The following CAMTA1 variants were observed in gnomAD, a reference collection of about 807,000 sequenced individuals.
The protein encoded by CAMTA1 is calmodulin-binding transcription activator 1.
CAMTA1 carries 27 observed loss-of-function variants against 170.9 expected under a neutral mutation model. The observed-to-expected ratio is 0.16, with a 90% confidence interval of 0.12 to 0.22. The LOEUF is 0.22. Among genes scored for constraint, CAMTA1 ranks in the 10% least tolerant of loss-of-function variants. The pLI is 1.00. For synonymous variants in CAMTA1, 833 were observed against 891.5 expected, an observed-to-expected ratio of 0.93 and a Z score of 1.17; for missense variants, 1,619 against 2,217.2, an observed-to-expected ratio of 0.73 and a Z score of 5.42.
At chr1:7,506,115 A>T (rs910623756) in intron 6 of CAMTA1, among the ~76,000 whole-genome samples, 1 of 152,100 alleles carries the variant, frequency 6.6e-6, no homozygotes, top group Non-Finnish European at 1.5e-5. Flanking sequence ...CTGCCTGGGG[A>T]ACAGACCACC....
chr1:7,588,212 C>T lies in CAMTA1; in HGVS notation c.511-52188C>T, dbSNP rs2095326902. 6.6e-6 allele frequency among the ~76,000 whole-genome samples: 1 copy of T among 152,078 alleles called. No homozygotes were observed. Among genetic ancestry groups the T allele is most frequent in the South Asian group, 2.1e-4 (1 of 4,832 alleles). ...TGCCTCTCAGCCAGGAAAATCCCTA[C>T]CCCAGGACAAGCTCCTGTGGCCAGA... On this transcript the variant is annotated intron_variant, in intron 6 of 22. Coordinates refer to ENST00000303635, the MANE Select transcript of CAMTA1 (RefSeq NM_015215.4). This position sits in a 1 kb window ranked among gnomAD's most constrained non-coding sequence, Gnocchi z 5.8.
chr1:7,339,852 C>T (rs367864767), intron 5 of CAMTA1, among the ~76,000 whole-genome samples: 245 of 152,338 alleles, frequency 1.6e-3, no homozygotes, highest in African/African-American at 5.7e-3. Context: ...CCACCTCAGC[C>T]TCTCTGAGTG....
chr1:7,089,579 C>CCATCCCATCG (rs1553241617), intron 3 of CAMTA1, among the ~76,000 whole-genome samples: 177 of 141,268 alleles, frequency 1.3e-3, no homozygotes, highest in Non-Finnish European at 6.5e-4. Context: ...CCATCCCATC[C>CCATCCCATCG]CATCCCATCC....
chr1:7,111,475 G>T (rs1382048585), intron 4 of CAMTA1, among the ~76,000 whole-genome samples: 1 of 152,168 alleles, frequency 6.6e-6, no homozygotes, highest in Non-Finnish European at 1.5e-5. Flanking sequence ...TGGGCTCTGG[G>T]GACAGACAGG....
At chr1:7,038,787 C>CACG (rs1704007946) in intron 3 of CAMTA1, among the ~76,000 whole-genome samples, 1 of 152,212 alleles carries the variant, frequency 6.6e-6, no homozygotes, top group African/African-American at 2.4e-5. Flanking sequence ...CGCCTGTAAT[C>CACG]CCAGCACTTT....
At chr1:7,745,076 A>G in intron 17 of CAMTA1, 54 bp downstream of exon 17, 1 of 1,475,206 alleles carries the variant, frequency 6.8e-7, no homozygotes, top group Admixed American at 2.0e-5. Context: ...ATGTAATTGG[A>G]GGCAGGGGAG....
At chr1:6,991,154 G>A (rs931660980) in intron 3 of CAMTA1, among the ~76,000 whole-genome samples, 3 of 151,992 alleles carry the variant, frequency 2.0e-5, no homozygotes, top group Non-Finnish European at 4.4e-5. Context: ...ATGGACATCT[G>A]GTAGGTTTCC....
chr1:7,597,606 G>A (rs2095410086), intron 6 of CAMTA1, among the ~76,000 whole-genome samples: 1 of 152,126 alleles, frequency 6.6e-6, no homozygotes, highest in Non-Finnish European at 1.5e-5. Flanking sequence ...GAGCATGATT[G>A]TGGGGCTCCA....
intron 6 of CAMTA1, among the ~76,000 whole-genome samples, chr1:7,521,924 T>C (rs371153166): frequency 2.0e-5 from 3 of 152,334 alleles, no homozygotes; most frequent in East Asian, 3.9e-4. Flanking sequence ...CATTTACTCA[T>C]TGAAGGACGT....
intron 5 of CAMTA1, among the ~76,000 whole-genome samples, chr1:7,366,485 T>C (rs901665766): frequency 1.2e-4 from 19 of 152,322 alleles, no homozygotes; most frequent in Admixed American, 1.2e-3. Context: ...CTAGAATTCT[T>C]TTCTGGACTC....
intron 5 of CAMTA1, among the ~76,000 whole-genome samples, chr1:7,295,502 G>T (rs1482052735): frequency 6.6e-6 from 1 of 152,200 alleles, no homozygotes; most frequent in African/African-American, 2.4e-5. Context: ...GAGTAAAACA[G>T]ACTGATTGGA....
chr1:7,578,725 A>G (rs142328762), intron 6 of CAMTA1, among the ~76,000 whole-genome samples: 40 of 152,288 alleles, frequency 2.6e-4, no homozygotes, highest in Non-Finnish European at 4.0e-4. Context: ...AGATGGCCCC[A>G]TCTGTGAGGG....
At chr1:7,207,613 T>TA (rs1657986264) in intron 4 of CAMTA1, among the ~76,000 whole-genome samples, 1 of 152,056 alleles carries the variant, frequency 6.6e-6, no homozygotes, top group Non-Finnish European at 1.5e-5. Flanking sequence ...TCTAAAGGGG[T>TA]ACATTGCAGG....
chr1:7,567,855 G>A (rs1269697103), intron 6 of CAMTA1, among the ~76,000 whole-genome samples: 1 of 152,178 alleles, frequency 6.6e-6, no homozygotes, highest in Non-Finnish European at 1.5e-5. Context: ...AACAAACTGA[G>A]ATCACAGCTG....
At chr1:6,902,077 A>AAAAATAAAAATAAAAAAT (rs1553180467) in intron 3 of CAMTA1, among the ~76,000 whole-genome samples, 3 of 70,874 alleles carry the variant, frequency 4.2e-5, no homozygotes, top group African/African-American at 1.1e-4. Context: ...ACACACAAAA[A>AAAAATAAAAATAAAAAAT]AAAAAATAAA....
At chr1:7,415,225 T>C (rs1456516848) in intron 5 of CAMTA1, among the ~76,000 whole-genome samples, 3 of 151,816 alleles carry the variant, frequency 2.0e-5, no homozygotes, top group Admixed American at 2.0e-4. Context: ...CTGAAAAAAA[T>C]GTATATTCTG....
intron 3 of CAMTA1, among the ~76,000 whole-genome samples, chr1:6,945,881 C>T (rs575074829): frequency 6.6e-6 from 1 of 152,282 alleles, no homozygotes; most frequent in Non-Finnish European, 1.5e-5. Flanking sequence ...TGGATTAAGC[C>T]ACACTTTATT....
At position 6,820,185 on chromosome 1, in the gene CAMTA1, T is replaced by C; in HGVS notation, c.50T>C (p.Val17Ala). The C allele has an allele frequency of 6.4e-7, 1 of 1,551,496 alleles. No individual in the cohort carries two copies. The highest frequency in any genetic ancestry group is 1.1e-5 in the South Asian group (1 of 89,814). The change falls in exon 2 of 23, where the codon GTT becomes GCT. Residue 17 changes from valine (V) to alanine (A), a missense_variant. By Grantham distance (64) the Val-to-Ala change is moderately conservative. This residue lies in a region of CAMTA1 where 61 missense variants were observed against 57.7 expected (regional missense o/e 1.06). Coordinates refer to ENST00000303635, the MANE Select transcript of CAMTA1 (RefSeq NM_015215.4). ...TTTTATTTTCTGTTTCCTTAGAGCG[T>C]TTCCCAAAGTGTATTCTGCGGAACT... Reference protein sequence around the residue: ...KWLPKTSRKSVSQSVFCGTST... With the variant: ...KWLPKTSRKSASQSVFCGTST...
At chr1:7,655,195 C>T (rs547588835) in intron 7 of CAMTA1, among the ~76,000 whole-genome samples, 8 of 145,404 alleles carry the variant, frequency 5.5e-5, no homozygotes, top group Non-Finnish European at 1.0e-4. Context: ...CAAACACACA[C>T]CCCTATACAC....
Sources: allele counts gnomAD v4.1 joint callset (sites outside exome capture counted in the v4.1 genomes callset), GRCh38; gene constraint gnomAD v4.1.1; regional missense constraint gnomAD v4.1.1; non-coding constraint Gnocchi (gnomAD v3.1); transcripts MANE v1.5; gene names NCBI Gene and HGNC (gene_info 2026-07-23, HGNC 2026-07-21).